NR3C2: variants seen among roughly 807,000 people sequenced by gnomAD.
NR3C2 encodes mineralocorticoid receptor.
A neutral mutation model predicts 86.4 loss-of-function variants in NR3C2; 15 were observed. The ratio of observed to expected loss-of-function variants is 0.17; its 90% confidence interval spans 0.12 to 0.27. The LOEUF (loss-of-function observed/expected upper bound fraction) is 0.27. NR3C2 is among the 10% of genes least tolerant of loss of function. The pLI, the probability that NR3C2 is intolerant of heterozygous loss-of-function variation, is 1.00. For synonymous variants in NR3C2, 458 were observed against 450.5 expected (o/e 1.02, Z -0.21); for missense variants, 960 against 1,195.6 (o/e 0.80, Z 2.91).
Position 148,323,233 on chromosome 4 carries a change from C to A in NR3C2, c.1758-63116G>T, listed in dbSNP as rs559136740. The stretch of plus-strand genomic sequence containing the variant: ...GACCCACTTGAGGTGGCAGTCTGCC[C>A]GTTCTCAGATCTCCAGCTGCGTGCT... On this transcript the variant is annotated intron_variant, in intron 2 of 8. Coordinates refer to ENST00000358102, the MANE Select transcript of NR3C2 (RefSeq NM_000901.5). Among the ~76,000 whole-genome samples the A allele has an allele frequency of 2.7e-3, 379 of 138,550 alleles. 3 individuals are homozygous for A. The highest frequency in any genetic ancestry group is 9.9e-3 in the South Asian group (37 of 3,742). The allele number at this position is 138,550 out of a possible 152,430, so 90.9% of individuals were successfully genotyped here.
intron 2 of NR3C2, among the ~76,000 whole-genome samples, chr4:148,327,720 C>T (rs896381121): frequency 1.3e-5 from 2 of 152,148 alleles, no homozygotes; most frequent in Non-Finnish European, 2.9e-5. Flanking sequence ...GTTGTTCTTG[C>T]TAGTGGTTGA....
intron 2 of NR3C2, among the ~76,000 whole-genome samples, chr4:148,433,238 T>A (rs1749879929): frequency 6.6e-6 from 1 of 152,210 alleles, no homozygotes; most frequent in Non-Finnish European, 1.5e-5. Flanking sequence ...GACAATCATT[T>A]GAGCTTACTG....
intron 2 of NR3C2, among the ~76,000 whole-genome samples, chr4:148,359,874 T>A (rs896929660): frequency 6.6e-6 from 1 of 152,172 alleles, no homozygotes; most frequent in Non-Finnish European, 1.5e-5. Context: ...AATCAGCTTA[T>A]CCCATGTAAC....
intron 2 of NR3C2, among the ~76,000 whole-genome samples, chr4:148,413,432 G>A (rs1226680135): frequency 1.3e-5 from 2 of 152,032 alleles, no homozygotes; most frequent in Non-Finnish European, 2.9e-5. Flanking sequence ...AGAGTAGAGA[G>A]GGGTTTCTTA....
chr4:148,088,847 T>TA (rs1304988167), intron 8 of NR3C2, among the ~76,000 whole-genome samples: 6 of 152,180 alleles, frequency 3.9e-5, no homozygotes, highest in Admixed American at 3.9e-4. Context: ...AGCACAGCAC[T>TA]ACCATTGCAC....
intron 3 of NR3C2, among the ~76,000 whole-genome samples, chr4:148,202,287 G>C (rs1736763107): frequency 6.6e-6 from 1 of 152,182 alleles, no homozygotes; most frequent in Non-Finnish European, 1.5e-5. Context: ...TTTTCCAGGG[G>C]GAGGAAGCTC....
At position 148,330,809 on chromosome 4, in the gene NR3C2, T is replaced by C. The variant is rs74585339; in HGVS notation, c.1758-70692A>G. ...TCATGGGGGCGGATCCCCTCATAAA[T>C]GGCTTGGCACCATTCCCTTGGCGAT... On this transcript the variant is annotated intron_variant, in intron 2 of 8. Coordinates refer to ENST00000358102, the MANE Select transcript of NR3C2 (RefSeq NM_000901.5). Among the ~76,000 whole-genome samples, 1,323 of 152,252 alleles carry C rather than the reference T, an allele frequency of 8.7e-3. 36 individuals are homozygous for C. The highest frequency in any genetic ancestry group is 0.057 in the East Asian group (295 of 5,174).
chr4:148,210,852 T>C (rs922212153), intron 3 of NR3C2, among the ~76,000 whole-genome samples: 5 of 152,238 alleles, frequency 3.3e-5, no homozygotes, highest in African/African-American at 1.2e-4. Context: ...TGCTGGGTCA[T>C]CCTGTGAAAT....
chr4:148,231,079 C>T (rs1019258427), intron 3 of NR3C2, among the ~76,000 whole-genome samples: 1 of 152,186 alleles, frequency 6.6e-6, no homozygotes, highest in Non-Finnish European at 1.5e-5. Flanking sequence ...AATTTTCACC[C>T]CTTGGTGAGT....
intron 2 of NR3C2, among the ~76,000 whole-genome samples, chr4:148,277,955 G>A (rs888906931): frequency 3.3e-5 from 5 of 152,214 alleles, no homozygotes; most frequent in African/African-American, 9.6e-5. Context: ...ATCCTCCAGG[G>A]AAACAACATG....
chr4:148,201,048 G>T (rs1736694404), intron 3 of NR3C2: 1 of 152,214 alleles, frequency 6.6e-6, no homozygotes, highest in African/African-American at 2.4e-5. Context: ...CCCGTCAGTG[G>T]TGTAGGGGGC....
intron 6 of NR3C2, among the ~76,000 whole-genome samples, chr4:148,143,675 G>A (rs899015391): frequency 6.6e-6 from 1 of 152,182 alleles, no homozygotes; most frequent in African/African-American, 2.4e-5. Context: ...GCTGGGCGCG[G>A]TGGCTCATGC....
chr4:148,408,345 G>A (rs72658636), intron 2 of NR3C2, among the ~76,000 whole-genome samples: 113 of 152,254 alleles, frequency 7.4e-4, no homozygotes, highest in African/African-American at 2.5e-3. Context: ...ACAAAAATAT[G>A]TGCTAGGAAC....
chr4:148,204,908 C>T (rs1221335445), intron 3 of NR3C2, among the ~76,000 whole-genome samples: 1 of 152,198 alleles, frequency 6.6e-6, no homozygotes, highest in East Asian at 1.9e-4. Context: ...CCAACATATG[C>T]ACAGCCCTTG....
At chr4:148,365,020 C>A (rs928339894) in intron 2 of NR3C2, among the ~76,000 whole-genome samples, 4 of 152,172 alleles carry the variant, frequency 2.6e-5, no homozygotes, top group Admixed American at 2.6e-4. Context: ...TGTCACTATC[C>A]TGGCCAGCCA....
chr4:148,302,807 T>C (rs1376954745), intron 2 of NR3C2, among the ~76,000 whole-genome samples: 1 of 144,228 alleles, frequency 6.9e-6, no homozygotes, highest in African/African-American at 2.6e-5. Context: ...GATCACACCA[T>C]TGCACTCCAG....
intron 2 of NR3C2, among the ~76,000 whole-genome samples, chr4:148,323,486 A>C (rs6813869): frequency 0.14 from 19,798 of 138,428 alleles, 1,660 homozygotes; most frequent in South Asian, 0.21. Flanking sequence ...GCCTGGCTGC[A>C]GCCTTGCAGT....
intron 2 of NR3C2, among the ~76,000 whole-genome samples, chr4:148,289,851 A>G (rs1050235333): frequency 3.3e-5 from 5 of 151,930 alleles, no homozygotes; most frequent in Admixed American, 3.3e-4. Flanking sequence ...TGCCCTATGG[A>G]GTGGCTCGAG....
At chr4:148,414,634 T>C (rs1208074665) in intron 2 of NR3C2, among the ~76,000 whole-genome samples, 2 of 152,254 alleles carry the variant, frequency 1.3e-5, no homozygotes, top group Non-Finnish European at 2.9e-5. Flanking sequence ...TCAAAAAAAA[T>C]ACTCAAAAAT....
Sources: gnomAD v4.1 joint callset for allele counts (sites outside exome capture counted in the v4.1 genomes callset) on GRCh38, gnomAD v4.1.1 for gene constraint, MANE v1.5 for transcripts, NCBI Gene and HGNC (gene_info 2026-07-23, HGNC 2026-07-21) for gene names.